Variants in ETV6 observed in about 807,000 individuals in gnomAD.
The protein encoded by ETV6 is ETS variant transcription factor 6, also known as transcription factor ETV6.
ETV6 carries 16 observed loss-of-function variants against 51.1 expected under a neutral mutation model. That is an observed-to-expected ratio of 0.31 (90% CI 0.21 to 0.48). The LOEUF (loss-of-function observed/expected upper bound fraction) is 0.48, where lower values mean the gene tolerates loss of function less well. Among genes scored for constraint, ETV6 ranks in the 20% least tolerant of loss-of-function variants. ETV6 has a pLI of 0.99. For synonymous variants in ETV6, 240 were observed against 224.1 expected (o/e 1.07, Z -0.64); for missense variants, 458 against 594.8 (o/e 0.77, Z 2.39).
intron 6 of ETV6, among the ~76,000 whole-genome samples, chr12:11,885,363 C>T (rs552439797): frequency 1.0e-3 from 158 of 152,336 alleles, no homozygotes; most frequent in South Asian, 2.1e-3. Context: ...ACAGACACTT[C>T]CATGTGTGAG....
intron 2 of ETV6, among the ~76,000 whole-genome samples, chr12:11,788,582 A>G (rs1425270073): frequency 6.6e-6 from 1 of 152,178 alleles, no homozygotes; most frequent in Non-Finnish European, 1.5e-5. Context: ...TGGAGTTTAA[A>G]GTACCCAACA....
chr12:11,754,772 G>A (rs1033161546), intron 2 of ETV6, among the ~76,000 whole-genome samples: 1 of 152,214 alleles, frequency 6.6e-6, no homozygotes, highest in Non-Finnish European at 1.5e-5. Flanking sequence ...CCAGCATTTT[G>A]GTAGTGCCTT....
chr12:11,892,016 G>C lies in ETV6; in HGVS notation c.*970G>C, dbSNP rs1233308868. The C allele has an allele frequency of 8.6e-6, 2 of 232,136 alleles. No homozygotes were observed. Among genetic ancestry groups the C allele is most frequent in the African/African-American group, 4.5e-5 (2 of 44,364 alleles). The allele number at this position is 232,136 out of a possible 1,614,324, so 14.4% of individuals were successfully genotyped here. On this transcript the variant is annotated 3_prime_UTR_variant, in exon 8 of 8. Transcript: ENST00000396373. ...GGAAGGCCTCGGCAGCTTGGGATTA[G>C]CTTGGGAGCGCAGCGCTGCAAAGTG...
chr12:11,738,307 CTTTTTTTTTTTTT>C (rs59241338), intron 1 of ETV6, among the ~76,000 whole-genome samples: 1 of 114,028 alleles, frequency 8.8e-6, no homozygotes, highest in Non-Finnish European at 1.7e-5. Flanking sequence ...TTTGTTTTTG[CTTTTTTTTTTTTT>C]TTTTTTTTAA....
chr12:11,847,210 G>C (rs1946479426), intron 3 of ETV6, among the ~76,000 whole-genome samples: 1 of 152,142 alleles, frequency 6.6e-6, no homozygotes, highest in Non-Finnish European at 1.5e-5. Flanking sequence ...AAGGAAGAGA[G>C]GCCTTAACGA....
At chr12:11,825,580 T>G (rs147315749) in intron 2 of ETV6, 1 of 152,210 alleles carries the variant, frequency 6.6e-6, no homozygotes, top group Non-Finnish European at 1.5e-5. Flanking sequence ...ACCTGCATAA[T>G]CTTGAGATCC....
Position 11,869,845 on chromosome 12 carries a change from C to T in ETV6, c.885C>T (p.Asp295=), listed in dbSNP as rs140005721. 1,482 of 1,613,208 alleles carry T rather than the reference C, an allele frequency of 9.2e-4. No individual in the cohort carries two copies. The highest frequency in any genetic ancestry group is 1.2e-3 in the Non-Finnish European group (1,360 of 1,180,038). The change falls in exon 5 of 8, where the codon GAC becomes GAT. Residue 295 remains aspartate (D), a synonymous_variant. Transcript: ENST00000396373. This position sits in a 1 kb window ranked among gnomAD's most constrained non-coding sequence, Gnocchi z 5.0. ...VDFKQSRLSE[D]GLHREGKPIN... is the part of the protein sequence containing the mutation. The stretch of plus-strand genomic sequence containing the variant: ...TCAAACAGTCCAGGCTCTCCGAGGA[C>T]GGGCTGCATAGGGAAGGGAAGCCCA...
intron 1 of ETV6, among the ~76,000 whole-genome samples, chr12:11,741,454 CTTGT>C (rs1306148499): frequency 2.0e-5 from 3 of 152,182 alleles, no homozygotes; most frequent in African/African-American, 7.2e-5. Flanking sequence ...TTTCCTCTTC[CTTGT>C]TTTTTATTAA....
intron 1 of ETV6, among the ~76,000 whole-genome samples, chr12:11,727,336 A>T (rs933924620): frequency 1.3e-5 from 2 of 152,248 alleles, no homozygotes; most frequent in Non-Finnish European, 2.9e-5. Flanking sequence ...TCACAGACCC[A>T]GCTTTTGTTG....
intron 1 of ETV6, among the ~76,000 whole-genome samples, chr12:11,667,696 A>ATTTTTTTTT (rs34458275): frequency 1.4e-5 from 1 of 72,970 alleles, no homozygotes; most frequent in Non-Finnish European, 2.6e-5. Flanking sequence ...TACCTGGCTA[A>ATTTTTTTTT]TTTTTTTTTT....
At position 11,650,121 on chromosome 12, in the gene ETV6, G is replaced by A. The variant is rs765078205; in HGVS notation, c.-7G>A. The A allele has an allele frequency of 6.2e-7, 1 of 1,613,640 alleles. No homozygotes were observed. Among genetic ancestry groups the A allele is most frequent in the Admixed American group, 1.7e-5 (1 of 60,018 alleles). ...TGAGAACTTCCTGATCTCTCTCGCT[G>A]TGAGACATGTCTGAGACTCCTGCTC... On this transcript the variant is annotated 5_prime_UTR_variant, in exon 1 of 8. It adds an upstream start codon to the 5' untranslated region. Coordinates refer to ENST00000396373, the MANE Select transcript of ETV6 (RefSeq NM_001987.5).
intron 2 of ETV6, among the ~76,000 whole-genome samples, chr12:11,792,513 C>T (rs926468957): frequency 1.3e-5 from 2 of 152,016 alleles, no homozygotes; most frequent in South Asian, 2.1e-4. Flanking sequence ...ATGGTGAAAC[C>T]CTGTCTCTAC....
chr12:11,843,500 C>T (rs1268164563), intron 3 of ETV6, among the ~76,000 whole-genome samples: 2 of 152,164 alleles, frequency 1.3e-5, no homozygotes, highest in South Asian at 4.1e-4. Context: ...ATCCTAAGCT[C>T]CCTTCCATTC....
intron 1 of ETV6, among the ~76,000 whole-genome samples, chr12:11,725,851 G>A (rs1865478109): frequency 1.3e-5 from 2 of 152,146 alleles, no homozygotes; most frequent in Admixed American, 6.5e-5. Flanking sequence ...TTTCCGCCAC[G>A]AGTGGAAGCA....
chr12:11,878,620 G>A (rs534192761), intron 5 of ETV6, among the ~76,000 whole-genome samples: 37 of 152,080 alleles, frequency 2.4e-4, no homozygotes, highest in African/African-American at 6.5e-4. Flanking sequence ...GCCAGGAAGC[G>A]TAGATTTTTG....
In ETV6 at chr12:11,877,302, C is replaced by CTT. The variant is rs377757573; in HGVS notation, c.1010-7128_1010-7127dup. Among the ~76,000 whole-genome samples, 1,099 of 141,738 alleles carry CTT rather than the reference C, an allele frequency of 7.8e-3. 14 individuals carry two copies. Among genetic ancestry groups the CTT allele is most frequent in the African/African-American group, 0.027 (1,032 of 38,740 alleles). The allele number at this position is 141,738 out of a possible 152,430, so 93.0% of individuals were successfully genotyped here. ...ATTTGTTTCAAAGGAAGCCTATAGA[C>CTT]TTTTTTTTTTTTTTTTAATTTTGTA... is the stretch of plus-strand genomic sequence containing the variant. On this transcript the variant is annotated intron_variant, in intron 5 of 7. Transcript: ENST00000396373.
At chr12:11,728,324 C>G (rs1000236172) in intron 1 of ETV6, among the ~76,000 whole-genome samples, 4 of 152,348 alleles carry the variant, frequency 2.6e-5, no homozygotes, top group Admixed American at 2.0e-4. Context: ...AGACCGCAGA[C>G]TAGTACTGTC....
intron 1 of ETV6, among the ~76,000 whole-genome samples, chr12:11,704,396 G>A (rs1445230745): frequency 2.6e-5 from 4 of 152,144 alleles, no homozygotes; most frequent in Admixed American, 6.5e-5. Flanking sequence ...GCCCAGGCTG[G>A]AATACAGTGG....
At position 11,670,725 on chromosome 12, in the gene ETV6, C is replaced by T. The variant is rs138871070; in HGVS notation, c.33+20565C>T. Among the ~76,000 whole-genome samples, 36 of 152,314 alleles carry T rather than the reference C, an allele frequency of 2.4e-4. 2 individuals carry two copies. The highest frequency in any genetic ancestry group is 8.4e-4 in the African/African-American group (35 of 41,568). The stretch of plus-strand genomic sequence containing the variant: ...GGATCAGTTTTAAGACCAGGTCAGA[C>T]ATACGTACAAATTCTTTCTTTGTAA... On this transcript the variant is annotated intron_variant, in intron 1 of 7. Transcript: ENST00000396373.
Sources: gnomAD v4.1 joint callset for allele counts (sites outside exome capture counted in the v4.1 genomes callset) on GRCh38, gnomAD v4.1.1 for gene constraint, Gnocchi (gnomAD v3.1) non-coding constraint, MANE v1.5 for transcripts, NCBI Gene and HGNC (gene_info 2026-07-23, HGNC 2026-07-21) for gene names.